ZNF641: variants seen among roughly 807,000 people sequenced by gnomAD.
ZNF641 encodes the protein zinc finger protein 641.
Under a neutral mutation model 46.2 loss-of-function variants are expected in ZNF641, and 26 were observed. The ratio of observed to expected loss-of-function variants is 0.56; its 90% CI spans 0.41 to 0.78. The LOEUF (loss-of-function observed/expected upper bound fraction) is 0.78, where lower values mean the gene tolerates loss of function less well. Ranked by LOEUF, ZNF641 falls within the 30% of genes least tolerant of loss-of-function variation. The probability of loss-of-function intolerance (pLI) is 0.00; values close to 1 mark genes in which losing one functional copy is unlikely to be tolerated. For synonymous variants in ZNF641, 163 were observed against 187.9 expected (o/e 0.87, Z 1.09); for missense variants, 469 against 517.8 (o/e 0.91, Z 0.91).
At position 48,342,533 on chromosome 12, in the gene ZNF641, C is replaced by G; in HGVS notation, c.*440G>C. 1.4e-6 allele frequency: 1 copy of G among 693,088 alleles called. No individual in the cohort carries two copies. Among genetic ancestry groups the G allele is most frequent in the Non-Finnish European group, 1.8e-6 (1 of 558,988 alleles). The allele number at this position is 693,088 out of a possible 1,614,324, so 42.9% of individuals were successfully genotyped here. A position where few individuals can be genotyped will look rare whatever the true frequency, so the allele number is the denominator to read the frequency against. ...GCCTTAATAGAACCTTCAGTTGGGT[C>G]TACTGCAGAAATTTTCAGAGCCTTT... On this transcript the variant is annotated 3_prime_UTR_variant, in exon 6 of 6. Transcript: ENST00000547026.
At position 48,343,534 on chromosome 12, in the gene ZNF641, C is replaced by T. The variant is rs1280145111; in HGVS notation, c.714G>A (p.Leu238=). 4 of 1,608,554 alleles carry T rather than the reference C, an allele frequency of 2.5e-6. No individual in the cohort carries two copies. The highest frequency in any genetic ancestry group is 1.1e-5 in the South Asian group (1 of 90,758). ...FLQEDSFSNL[L]CSTEMDSLLR... ...ACAGGGAATCCATCTCTGTGCTACACAGCAGGTTTGAGAAACTATCTTCCT... is the reference window on the plus strand; with the variant it reads ...ACAGGGAATCCATCTCTGTGCTACATAGCAGGTTTGAGAAACTATCTTCCT... Residue 238 remains leucine, a synonymous_variant, in exon 6 of 6, where the codon CTG becomes CTA. Transcript: ENST00000547026.
At chr12:48,349,280 A>T (rs1952965805) in intron 1 of ZNF641, among the ~76,000 whole-genome samples, 1 of 152,186 alleles carries the variant, frequency 6.6e-6, no homozygotes, top group Non-Finnish European at 1.5e-5. Context: ...TAAGAGCAGG[A>T]TGGGTCACAC....
At position 48,341,587 on chromosome 12, in the gene ZNF641, A is replaced by G; in HGVS notation, c.*1386T>C. The G allele has an allele frequency of 1.0e-6, 1 of 985,472 alleles. No individual in the cohort carries two copies. Among genetic ancestry groups the G allele is most frequent in the Non-Finnish European group, 1.2e-6 (1 of 829,934 alleles). 61.0% of individuals were successfully genotyped at this position (985,472 alleles called of 1,614,324 possible). On this transcript the variant is annotated 3_prime_UTR_variant, in exon 6 of 6. Transcript: ENST00000547026. ...TGTTTCTGGGAGAATGAGATCTTCA[A>G]GAATAACTCTTGCCCCTTGATGAGG...
chr12:48,347,345 T>A lies in ZNF641; in HGVS notation c.185-2A>T. On this transcript the variant is annotated splice_acceptor_variant, in intron 2 of 5. Transcript: ENST00000547026. LOFTEE classifies it high-confidence loss of function. Reference sequence around the variant, plus strand: ...CAGGAACCCAGGGAGCAGACTGAGCTGATAAGGAGAGAGAAGAAACATTAG... The same window carrying A: ...CAGGAACCCAGGGAGCAGACTGAGCAGATAAGGAGAGAGAAGAAACATTAG... The A allele has an allele frequency of 6.2e-7, 1 of 1,605,984 alleles. No homozygotes were observed. The highest frequency in any genetic ancestry group is 8.5e-7 in the Non-Finnish European group (1 of 1,175,250).
At chr12:48,349,389 ACAGT>A (rs756014392) in intron 1 of ZNF641, among the ~76,000 whole-genome samples, 3 of 152,188 alleles carry the variant, frequency 2.0e-5, no homozygotes, top group South Asian at 2.1e-4. Flanking sequence ...CAATATCCAA[ACAGT>A]CAGAGTCAGT....
intron 1 of ZNF641, chr12:48,350,285 A>C: frequency 1.4e-6 from 2 of 1,380,296 alleles, no homozygotes; most frequent in Non-Finnish European, 1.9e-6. Flanking sequence ...AAAAATGAGT[A>C]GCCCAAGGGC....
chr12:48,340,726 G>A lies in ZNF641; in HGVS notation c.*2247C>T, dbSNP rs751316. 84,530 of 985,350 alleles carry A rather than the reference G, an allele frequency of 0.086. 3,964 individuals are homozygous for A. Among genetic ancestry groups the A allele is most frequent in the Non-Finnish European group, 0.096 (79,339 of 829,906 alleles). The allele number at this position is 985,350 out of a possible 1,614,324, so 61.0% of individuals were successfully genotyped here. On this transcript the variant is annotated 3_prime_UTR_variant, in exon 6 of 6. Coordinates refer to ENST00000547026, the MANE Select transcript of ZNF641 (RefSeq NM_001172681.2). ...ACAAATGTCTTTTTCTCAAAAGTGC[G>A]TTTCTGGTTTCTGTCAGATTCAACA...
Position 48,340,832 on chromosome 12 carries a change from G to C in ZNF641, c.*2141C>G. 1 of 985,428 alleles carries C rather than the reference G, an allele frequency of 1.0e-6. No homozygotes were observed. Among genetic ancestry groups the C allele is most frequent in the Non-Finnish European group, 1.2e-6 (1 of 829,906 alleles). 61.0% of individuals were successfully genotyped at this position (985,428 alleles called of 1,614,324 possible). A position where few individuals can be genotyped will look rare whatever the true frequency, so the allele number is the denominator to read the frequency against. On this transcript the variant is annotated 3_prime_UTR_variant, in exon 6 of 6. Coordinates refer to ENST00000547026, the MANE Select transcript of ZNF641 (RefSeq NM_001172681.2). ...AAGAGGGAGAGTAAAAGAAATGTCA[G>C]AGTCCAGATTTATCACTGAACCCAA...
At chr12:48,343,851 G>A in intron 5 of ZNF641, 124 bp from the exon 6 acceptor site, 1 of 893,028 alleles carries the variant, frequency 1.1e-6, no homozygotes, top group Non-Finnish European at 1.6e-6. Flanking sequence ...AGGGCTGAGA[G>A]AACATAGTCT....
chr12:48,344,773 A>G (rs1416508256), intron 4 of ZNF641, 61 bp from the exon 5 acceptor site: 4 of 48,490 alleles, frequency 8.2e-5, no homozygotes, highest in Non-Finnish European at 3.4e-4. Flanking sequence ...TATATTTCTG[A>G]AAAAAAAATA....
Position 48,350,912 on chromosome 12 carries a change from C to T in ZNF641, c.-152G>A. The stretch of plus-strand genomic sequence containing the variant: ...CCAGCGACAGGCGGAGACGGCGGCC[C>T]GGCAGGCGCGGGCGGGGCGGGGCGG... On this transcript the variant is annotated 5_prime_UTR_variant, in exon 1 of 6. Transcript: ENST00000547026. 4.1e-6 allele frequency: 4 copies of T among 965,556 alleles called. No individual in the cohort carries two copies. In the South Asian group the frequency reaches 1.9e-4, roughly 46 times the overall value. The allele number at this position is 965,556 out of a possible 1,614,324, so 59.8% of individuals were successfully genotyped here.
upstream of ZNF641, chr12:48,351,102 C>G (rs1334611937): frequency 6.6e-6 from 1 of 152,570 alleles, no homozygotes; most frequent in Non-Finnish European, 1.5e-5. Context: ...CCGGGACCTC[C>G]GCGCCCGCCG....
intron 4 of ZNF641, among the ~76,000 whole-genome samples, chr12:48,344,978 C>T (rs147227586): frequency 6.6e-5 from 10 of 152,140 alleles, no homozygotes; most frequent in African/African-American, 2.4e-4. Context: ...CTGGGCGTAA[C>T]TTCACTTTAG....
Position 48,344,731 on chromosome 12 carries a change from A to C in ZNF641, c.407-19T>G. ...GGAAATCCTGCTCATGGGAAAGGAAAATAGAGCTGTCAATTAGTTCAACAG... is the reference window on the plus strand; with the variant it reads ...GGAAATCCTGCTCATGGGAAAGGAACATAGAGCTGTCAATTAGTTCAACAG... On this transcript the variant is annotated intron_variant, in intron 4 of 5. Coordinates refer to ENST00000547026, the MANE Select transcript of ZNF641 (RefSeq NM_001172681.2). 6.9e-7 allele frequency: 1 copy of C among 1,459,548 alleles called. No individual in the cohort carries two copies. The highest frequency in any genetic ancestry group is 1.4e-5 in the African/African-American group (1 of 71,104). The allele number at this position is 1,459,548 out of a possible 1,614,324, so 90.4% of individuals were successfully genotyped here.
chr12:48,335,162 T>C (rs1952595380), downstream of ZNF641, among the ~76,000 whole-genome samples: 1 of 152,194 alleles, frequency 6.6e-6, no homozygotes, highest in Non-Finnish European at 1.5e-5. Flanking sequence ...TTTTGCCACA[T>C]AAAAAACCCA....
upstream of ZNF641, chr12:48,350,966 G>C: frequency 1.7e-6 from 1 of 588,522 alleles, no homozygotes; most frequent in African/African-American, 2.0e-5. Flanking sequence ...CGCTTCCGGG[G>C]CTCTGCGGCG....
Position 48,340,998 on chromosome 12 carries a change from G to A in ZNF641, c.*1975C>T. ...TCATAAGCAAGAGAACTGCATTCCA[G>A]GAAGAATGAAGGAAGAAGGAAGGCT... On this transcript the variant is annotated 3_prime_UTR_variant, in exon 6 of 6. Transcript: ENST00000547026. The A allele has an allele frequency of 1.2e-6, 1 of 824,772 alleles. No homozygotes were observed. Among genetic ancestry groups the A allele is most frequent in the Non-Finnish European group, 1.5e-6 (1 of 679,288 alleles). The allele number at this position is 824,772 out of a possible 1,614,324, so 51.1% of individuals were successfully genotyped here.
At position 48,343,703 on chromosome 12, in the gene ZNF641, T is replaced by G. The variant is rs757920032; in HGVS notation, c.545A>C (p.Asp182Ala). 6.6e-7 allele frequency: 1 copy of G among 1,504,250 alleles called. No individual in the cohort carries two copies. The highest frequency in any genetic ancestry group is 8.9e-7 in the Non-Finnish European group (1 of 1,125,884). The allele number at this position is 1,504,250 out of a possible 1,614,324, so 93.2% of individuals were successfully genotyped here. A position where few individuals can be genotyped will look rare whatever the true frequency, so the allele number is the denominator to read the frequency against. Residue 182 changes from aspartate to alanine, a missense_variant, in exon 6 of 6, where the codon GAT becomes GCT. Physicochemically the swap from Asp to Ala is moderately radical, Grantham distance 126 (BLOSUM62 -2). Around this residue, in one of 3 missense-constraint regions of ZNF641, gnomAD observed 346 missense variants for 354.0 expected, o/e 0.98. Transcript: ENST00000547026. ...AGGTTCTGCTTCTAGTTCAGGGGTA[T>G]CCCCCTCATGTTCACTTCCATCTCC... ...YTGDGSEHEG[D>A]TPELEAEPPR...
At chr12:48,335,942 T>A (rs1952601587), downstream of ZNF641, among the ~76,000 whole-genome samples, 1 of 152,254 alleles carries the variant, frequency 6.6e-6, no homozygotes. Context: ...CCTCAACTGC[T>A]TAGTGTAATG....
Sources: allele counts gnomAD v4.1 joint callset (sites outside exome capture counted in the v4.1 genomes callset), GRCh38; gene constraint gnomAD v4.1.1; regional missense constraint gnomAD v4.1.1; transcripts MANE v1.5; gene names NCBI Gene and HGNC (gene_info 2026-07-23, HGNC 2026-07-21).